The following SGCZ variants were observed in gnomAD, a reference collection of about 807,000 sequenced individuals.
SGCZ encodes the protein zeta-sarcoglycan.
In SGCZ, 40 loss-of-function variants were observed where a neutral mutation model predicts 41.3. That is an observed-to-expected ratio of 0.97 (90% confidence interval 0.75 to 1.26). The LOEUF is 1.26. Ranked by LOEUF, SGCZ falls within the 50% of genes most tolerant of loss-of-function variation. The pLI is 0.00. For missense variants in SGCZ, 552 were observed against 369.8 expected (o/e 1.49, Z -4.04); for synonymous variants, 206 against 137.5 (o/e 1.50, Z -3.49).
intron 2 of SGCZ, among the ~76,000 whole-genome samples, chr8:14,373,347 T>G (rs1033114800): frequency 9.2e-5 from 14 of 152,214 alleles, no homozygotes; most frequent in African/African-American, 3.4e-4. Flanking sequence ...CCCTAAGTGG[T>G]TGAGACCAAC....
chr8:14,812,153 A>G (rs1179396970), intron 1 of SGCZ, among the ~76,000 whole-genome samples: 4 of 151,990 alleles, frequency 2.6e-5, no homozygotes, highest in Non-Finnish European at 4.4e-5. Flanking sequence ...AATATTATAT[A>G]CAAATGTAAA....
chr8:14,766,246 C>A (rs935016013), intron 1 of SGCZ, among the ~76,000 whole-genome samples: 7 of 152,260 alleles, frequency 4.6e-5, no homozygotes, highest in Admixed American at 3.3e-4. Flanking sequence ...AGGCATGAGG[C>A]ATGGCCCCCA....
intron 1 of SGCZ, among the ~76,000 whole-genome samples, chr8:15,033,437 G>T (rs989273035): frequency 6.6e-6 from 1 of 151,058 alleles, no homozygotes; most frequent in Non-Finnish European, 1.5e-5. Flanking sequence ...TCCAGAACCA[G>T]TCTGGCCCCA....
chr8:14,410,883 A>T (rs1479465182), intron 2 of SGCZ, among the ~76,000 whole-genome samples: 1 of 152,162 alleles, frequency 6.6e-6, no homozygotes, highest in East Asian at 1.9e-4. Flanking sequence ...CTGAGGGAAA[A>T]GTTTAAAAAG....
At chr8:14,792,027 G>A (rs1015453678) in intron 1 of SGCZ, among the ~76,000 whole-genome samples, 7 of 152,146 alleles carry the variant, frequency 4.6e-5, no homozygotes, top group Non-Finnish European at 7.3e-5. Context: ...CGTCTAGCAT[G>A]TTCTCAGTAG....
intron 1 of SGCZ, among the ~76,000 whole-genome samples, chr8:14,897,620 C>T (rs1237717955): frequency 9.5e-4 from 145 of 152,164 alleles, no homozygotes; most frequent in Non-Finnish European, 5.9e-5. Context: ...AGCTATAGAT[C>T]ATAATGAAGT....
intron 3 of SGCZ, among the ~76,000 whole-genome samples, chr8:14,263,630 C>G (rs1203534652): frequency 6.6e-6 from 1 of 151,980 alleles, no homozygotes; most frequent in Non-Finnish European, 1.5e-5. Context: ...AGCAAAATGG[C>G]CAAATAAGAC....
At chr8:15,093,091 C>T (rs1034209570) in intron 1 of SGCZ, among the ~76,000 whole-genome samples, 6 of 152,142 alleles carry the variant, frequency 3.9e-5, no homozygotes, top group African/African-American at 1.4e-4. Context: ...CCTGGCCCTC[C>T]TCCTTAGTAG....
chr8:14,537,145 T>C (rs1385901738), intron 2 of SGCZ, among the ~76,000 whole-genome samples: 2 of 151,920 alleles, frequency 1.3e-5, no homozygotes, highest in South Asian at 2.1e-4. Context: ...ATGTCCACTC[T>C]GTAAGCTCTG....
At chr8:14,720,212 A>G (rs1053134419) in intron 1 of SGCZ, among the ~76,000 whole-genome samples, 1 of 152,030 alleles carries the variant, frequency 6.6e-6, no homozygotes, top group Non-Finnish European at 1.5e-5. Flanking sequence ...TACTACTTAC[A>G]TGCTTAAAAT....
chr8:14,628,379 C>T (rs59123595), intron 1 of SGCZ, among the ~76,000 whole-genome samples: 4,665 of 152,080 alleles, frequency 0.031, 229 homozygotes, highest in African/African-American at 0.11. Flanking sequence ...GCACTGTGTT[C>T]TCCTGTTTCA....
At chr8:14,517,918 T>C (rs1398414035) in intron 2 of SGCZ, among the ~76,000 whole-genome samples, 1 of 151,864 alleles carries the variant, frequency 6.6e-6, no homozygotes, top group African/African-American at 2.4e-5. Flanking sequence ...TAAGTGTTTG[T>C]TTCTTCTCAT....
At chr8:14,575,634 C>A (rs1180996041) in intron 1 of SGCZ, among the ~76,000 whole-genome samples, 2 of 152,028 alleles carry the variant, frequency 1.3e-5, no homozygotes, top group Admixed American at 1.3e-4. Context: ...GGGCCAGGCA[C>A]AGTGGTGTAC....
intron 1 of SGCZ, among the ~76,000 whole-genome samples, chr8:14,828,616 C>G (rs1383493835): frequency 6.6e-6 from 1 of 152,128 alleles, no homozygotes; most frequent in African/African-American, 2.4e-5. Flanking sequence ...AAACCAGTGG[C>G]TATCAAGAGG....
intron 1 of SGCZ, among the ~76,000 whole-genome samples, chr8:15,124,087 T>C (rs1807587215): frequency 2.6e-5 from 4 of 152,190 alleles, no homozygotes; most frequent in Non-Finnish European, 5.9e-5. Flanking sequence ...CTTCATTAAA[T>C]TTGTATTTTA....
At chr8:14,320,523 G>T (rs934932471) in intron 3 of SGCZ, among the ~76,000 whole-genome samples, 1 of 151,760 alleles carries the variant, frequency 6.6e-6, no homozygotes, top group African/African-American at 2.4e-5. Context: ...AGTTTGTTAC[G>T]TATGTATACA....
intron 2 of SGCZ, among the ~76,000 whole-genome samples, chr8:14,360,856 C>A (rs150898832): frequency 1.3e-5 from 2 of 152,204 alleles, no homozygotes; most frequent in African/African-American, 4.8e-5. Flanking sequence ...TGAGAAACCA[C>A]TTTTTTGTTG....
intron 2 of SGCZ, among the ~76,000 whole-genome samples, chr8:14,448,650 G>A (rs1191548371): frequency 1.3e-5 from 2 of 152,020 alleles, no homozygotes; most frequent in African/African-American, 4.8e-5. Context: ...AAGAACAACA[G>A]TAATTCAAGT....
chr8:14,315,511 G>C (rs1177488432), intron 3 of SGCZ, among the ~76,000 whole-genome samples: 2 of 152,004 alleles, frequency 1.3e-5, no homozygotes, highest in Non-Finnish European at 2.9e-5. Context: ...TCAAAGCAAA[G>C]TTAACCCACG....
Sources: gnomAD v4.1 joint callset for allele counts (sites outside exome capture counted in the v4.1 genomes callset) on GRCh38, gnomAD v4.1.1 for gene constraint, MANE v1.5 for transcripts, NCBI Gene and HGNC (gene_info 2026-07-23, HGNC 2026-07-21) for gene names.